The following SLC4A9 variants were observed in gnomAD, a reference collection of about 807,000 sequenced individuals.
SLC4A9 encodes the protein solute carrier family 4 member 9.
A neutral mutation model predicts 103.2 loss-of-function variants in SLC4A9; 102 were observed. The observed-to-expected ratio is 0.99, with a 90% CI of 0.84 to 1.17. SLC4A9 has a LOEUF of 1.17. Among genes scored for constraint, SLC4A9 ranks in the 50% most tolerant of loss-of-function variants. The pLI, the probability that SLC4A9 is intolerant of heterozygous loss-of-function variation, is 0.00. For missense variants in SLC4A9, 1,091 were observed against 1,193.7 expected (o/e 0.91, Z 1.27); for synonymous variants, 453 against 483.6 (o/e 0.94, Z 0.83).
At chr5:140,364,805 T>A (rs2112259) in intron 11 of SLC4A9, among the ~76,000 whole-genome samples, 180 bp downstream of exon 11, 2 of 152,256 alleles carry the variant, frequency 1.3e-5, no homozygotes, top group South Asian at 4.1e-4. Context: ...ACAGAAGGCC[T>A]GATATCATCT....
chr5:140,368,565 T>C (rs901741543), intron 16 of SLC4A9, 22 bp from the exon 17 acceptor site: 3 of 1,609,460 alleles, frequency 1.9e-6, no homozygotes, highest in Admixed American at 3.3e-5. Flanking sequence ...AGACCTCAGC[T>C]AACTCCTCCC....
At chr5:140,366,433 G>A (rs1023059917) in intron 14 of SLC4A9, among the ~76,000 whole-genome samples, 169 bp downstream of exon 14, 13 of 152,156 alleles carry the variant, frequency 8.5e-5, no homozygotes, top group Admixed American at 4.6e-4. Flanking sequence ...ATTAAATGAA[G>A]TACTGCAGCA....
In SLC4A9 at chr5:140,371,105, T is replaced by C. The variant is rs572509788; in HGVS notation, c.2438T>C (p.Met813Thr). The change falls in exon 18 of 22, where the codon ATG (methionine) becomes ACG (threonine). Residue 813 changes from methionine (M) to threonine (T), a missense_variant. Physicochemically the swap from Met to Thr is moderately conservative, Grantham distance 81. Transcript: ENST00000506757. ...GCTTCTTTCTACCAGTTCATTCCAA[T>C]GCCTGTGCTCTATGGCATCTTCCTG... ...FLAPVLKFIP[M>T]PVLYGIFLYM... The C allele has an allele frequency of 1.2e-6, 2 of 1,611,464 alleles. No individual in the cohort carries two copies. Among genetic ancestry groups the C allele is most frequent in the African/African-American group, 1.3e-5 (1 of 75,032 alleles).
chr5:140,368,593 G>C lies in SLC4A9; in HGVS notation c.2361G>C (p.Gln787His), dbSNP rs997474919. ...ERPNFLGIRE[Q>H]RLTGLVVFIL... ...CTCCTCCCTCTCCCCACAGGGAACA[G>C]AGGCTGACAGGCCTGGTGGTGTTCA... The change falls in exon 17 of 22, where the codon CAG becomes CAC. Residue 787 changes from glutamine (Q) to histidine (H), a missense_variant. By Grantham distance (24) the Gln-to-His change is conservative. Transcript: ENST00000506757. 1.2e-6 allele frequency: 2 copies of C among 1,612,908 alleles called. No homozygotes were observed. The highest frequency in any genetic ancestry group is 1.7e-6 in the Non-Finnish European group (2 of 1,179,632).
At chr5:140,362,649 C>T in intron 6 of SLC4A9, 117 bp downstream of exon 6, 1 of 1,113,222 alleles carries the variant, frequency 9.0e-7, no homozygotes, top group Non-Finnish European at 1.3e-6. Flanking sequence ...CTGTATGTGT[C>T]CCTAAATACA....
chr5:140,373,433 G>T (rs1328301144), intron 21 of SLC4A9, among the ~76,000 whole-genome samples: 1 of 152,122 alleles, frequency 6.6e-6, no homozygotes, highest in East Asian at 1.9e-4. Flanking sequence ...ACAGACAATT[G>T]TTAGAGTGGG....
rs1233139877 is a variant in SLC4A9, at chr5:140,361,859, A to T, written c.557A>T (p.Glu186Val). Residue 186 changes from glutamate (E) to valine (V), a missense_variant, in exon 4 of 22, where the codon GAA becomes GTA. Glu to Val is a moderately radical substitution (Grantham distance 121, BLOSUM62 -2). Transcript: ENST00000506757. ...ASDNEEAPLR[E>V]QCQNPLRQKL... is the part of the protein sequence containing the mutation. ...GACAATGAGGAAGCCCCCCTGAGGGAACAGGTTTGTGGCCCTTCCTTGGGG... is the reference window on the plus strand; with the variant it reads ...GACAATGAGGAAGCCCCCCTGAGGGTACAGGTTTGTGGCCCTTCCTTGGGG... 1 of 1,613,960 alleles carries T rather than the reference A, an allele frequency of 6.2e-7. No individual in the cohort carries two copies. The highest frequency in any genetic ancestry group is 2.2e-5 in the East Asian group (1 of 44,874).
Position 140,372,799 on chromosome 5 carries a change from C to T in SLC4A9, c.*1C>T. 1 of 1,567,012 alleles carries T rather than the reference C, an allele frequency of 6.4e-7. No homozygotes were observed. The highest frequency in any genetic ancestry group is 8.7e-7 in the Non-Finnish European group (1 of 1,154,832). ...AGAAATCAACATTTCTGTGAATTAG[C>T]TGGAGTAGGAGTCTGGGAGTGGAGA... On this transcript the variant is annotated 3_prime_UTR_variant, in exon 21 of 22. Transcript: ENST00000506757.
chr5:140,361,322 A>G lies in SLC4A9; in HGVS notation c.460A>G (p.Arg154Gly). The G allele has an allele frequency of 6.4e-7, 1 of 1,567,136 alleles. No individual in the cohort carries two copies. The highest frequency in any genetic ancestry group is 8.7e-7 in the Non-Finnish European group (1 of 1,155,806). Residue 154 changes from arginine to glycine, a missense_variant, in exon 3 of 22, where the codon AGA becomes GGA. Physicochemically the swap from Arg to Gly is moderately radical, Grantham distance 125. Coordinates refer to ENST00000506757, the MANE Select transcript of SLC4A9 (RefSeq NM_031467.3). ...GCAGTTGCAGGCCTTGCTGCTGCAGAGACCCCAGCATTACAACCAGACCAC... is the reference window on the plus strand; with the variant it reads ...GCAGTTGCAGGCCTTGCTGCTGCAGGGACCCCAGCATTACAACCAGACCAC... ...RGQLQALLLQRPQHYNQTTGT... is the reference protein window; with the variant it reads ...RGQLQALLLQGPQHYNQTTGT...
At chr5:140,362,576 G>A in intron 6 of SLC4A9, 44 bp downstream of exon 6, 1 of 1,547,896 alleles carries the variant, frequency 6.5e-7, no homozygotes, top group Non-Finnish European at 8.9e-7. Flanking sequence ...ACGCGTGCAT[G>A]CCTGTGTGTG....
chr5:140,362,098 C>G lies in SLC4A9; in HGVS notation c.643C>G (p.Gln215Glu), dbSNP rs1767173461. ...VLAGELGFLA[Q>E]PLGAFVRLRN... ...GGCAGGGGAGCTGGGCTTCCTGGCACAGCCACTGGGAGCCTTTGTTCGACT... is the reference window on the plus strand; with the variant it reads ...GGCAGGGGAGCTGGGCTTCCTGGCAGAGCCACTGGGAGCCTTTGTTCGACT... Residue 215 changes from glutamine to glutamate, a missense_variant, in exon 5 of 22, where the codon CAG becomes GAG. Transcript: ENST00000506757. 6.3e-7 allele frequency: 1 copy of G among 1,582,254 alleles called. No homozygotes were observed. The highest frequency in any genetic ancestry group is 8.5e-7 in the Non-Finnish European group (1 of 1,171,974).
At position 140,361,808 on chromosome 5, in the gene SLC4A9, G is replaced by T; in HGVS notation, c.506G>T (p.Gly169Val). The T allele has an allele frequency of 1.2e-6, 2 of 1,613,972 alleles. No homozygotes were observed. The highest frequency in any genetic ancestry group is 4.5e-5 in the East Asian group (2 of 44,870). ...ATCACTGCATAATCCTGTTTTGTAGGCTCTACTCATCCAAGAAAGGCTTCT... is the reference window on the plus strand; with the variant it reads ...ATCACTGCATAATCCTGTTTTGTAGTCTCTACTCATCCAAGAAAGGCTTCT... ...NQTTGTRPCW[G>V]STHPRKASDN... The change falls in exon 4 of 22, where the codon GGC (glycine) becomes GTC (valine). Residue 169 changes from glycine (G) to valine (V), a missense_variant and splice_region_variant. Gly to Val is a moderately radical substitution (Grantham distance 109). Transcript: ENST00000506757.
intron 17 of SLC4A9, 53 bp from the exon 18 acceptor site, chr5:140,371,042 T>A: frequency 6.5e-7 from 1 of 1,539,536 alleles, no homozygotes; most frequent in Non-Finnish European, 8.9e-7. Flanking sequence ...TCCTGGGGCA[T>A]CTGGGAGGTT....
rs750972626 is a variant in SLC4A9 at position 140,364,051 on chromosome 5, C to G, written c.1255-3C>G. ...CCTGTGCTGAGCCCCTGTTGGCTTC[C>G]AGGGAGTGCTGGAAAGTTTCCTGGG... On this transcript the variant is annotated splice_polypyrimidine_tract_variant and splice_region_variant and intron_variant, in intron 9 of 21. Transcript: ENST00000506757. 2 of 1,532,522 alleles carry G rather than the reference C, an allele frequency of 1.3e-6. No individual in the cohort carries two copies. Among genetic ancestry groups the G allele is most frequent in the Non-Finnish European group, 1.8e-6 (2 of 1,141,982 alleles). 94.9% of individuals were successfully genotyped at this position (1,532,522 alleles called of 1,614,324 possible). A position where few individuals can be genotyped will look rare whatever the true frequency, so the allele number is the denominator to read the frequency against.
Position 140,363,038 on chromosome 5 carries a change from C to G in SLC4A9, c.934C>G (p.Pro312Ala). 1 of 1,613,288 alleles carries G rather than the reference C, an allele frequency of 6.2e-7. No individual in the cohort carries two copies. The change falls in exon 7 of 22, where the codon CCC becomes GCC. Residue 312 changes from proline (P) to alanine (A), a missense_variant. Pro to Ala is a conservative substitution (Grantham distance 27). Coordinates refer to ENST00000506757, the MANE Select transcript of SLC4A9 (RefSeq NM_031467.3). The surrounding 1 kb of genome is among the most constrained non-coding windows in gnomAD (Gnocchi z 4.5). Reference sequence around the variant, plus strand: ...GGACCCAACAGCCCGGATTCCCCCGCCCAAATGTCTGCCATCTCAGCACAA... The same window carrying G: ...GGACCCAACAGCCCGGATTCCCCCGGCCAAATGTCTGCCATCTCAGCACAA... ...RWDPTARIPP[P>A]KCLPSQHKRL... is the part of the protein sequence containing the mutation.
chr5:140,365,703 C>T (rs1767776052), intron 12 of SLC4A9, 125 bp downstream of exon 12: 1 of 1,418,714 alleles, frequency 7.0e-7, no homozygotes, highest in African/African-American at 1.4e-5. Context: ...TTAGCCATTT[C>T]CTACAGCTGG....
intron 2 of SLC4A9, 90 bp from the exon 3 acceptor site, chr5:140,361,164 G>T: frequency 7.6e-7 from 1 of 1,311,142 alleles, no homozygotes; most frequent in Non-Finnish European, 1.1e-6. Context: ...GAGACTCCCA[G>T]AAGGGAAAGG....
chr5:140,371,019 G>C, intron 17 of SLC4A9, 76 bp from the exon 18 acceptor site: 1 of 1,338,768 alleles, frequency 7.5e-7, no homozygotes, highest in East Asian at 2.4e-5. Flanking sequence ...GAGGGATCTA[G>C]GGCATCTGGG....
chr5:140,367,638 C>T (rs536404069), intron 15 of SLC4A9, 57 bp downstream of exon 15: 20 of 1,599,886 alleles, frequency 1.3e-5, no homozygotes, highest in African/African-American at 6.7e-5. Flanking sequence ...GGGGAGTCTA[C>T]GCTCCTCCTC....
Sources: allele counts gnomAD v4.1 joint callset (sites outside exome capture counted in the v4.1 genomes callset), GRCh38; gene constraint gnomAD v4.1.1; non-coding constraint Gnocchi (gnomAD v3.1); transcripts MANE v1.5; gene names NCBI Gene and HGNC (gene_info 2026-07-23, HGNC 2026-07-21).